ADCY3: variants seen among roughly 807,000 people sequenced by gnomAD.
The protein encoded by ADCY3 is adenylate cyclase type 3.
Under a neutral mutation model 119.4 loss-of-function variants are expected in ADCY3, and 70 were observed. That is an observed-to-expected ratio of 0.59 (90% CI 0.48 to 0.72). The LOEUF (loss-of-function observed/expected upper bound fraction) is 0.72, where lower values mean the gene tolerates loss of function less well. Among genes scored for constraint, ADCY3 ranks in the 30% least tolerant of loss-of-function variants. The pLI, the probability that ADCY3 is intolerant of heterozygous loss-of-function variation, is 0.00. For synonymous variants in ADCY3, 672 were observed against 621.4 expected (o/e 1.08, Z -1.21); for missense variants, 1,238 against 1,541.6 (o/e 0.80, Z 3.30).
intron 3 of ADCY3, among the ~76,000 whole-genome samples, chr2:24,847,692 C>G (rs1163478180): frequency 6.6e-6 from 1 of 152,224 alleles, no homozygotes; most frequent in African/African-American, 2.4e-5. Flanking sequence ...GTCTCGGAAC[C>G]TAACTAACCA....
chr2:24,912,340 A>C (rs893483780), intron 2 of ADCY3, among the ~76,000 whole-genome samples: 1 of 152,064 alleles, frequency 6.6e-6, no homozygotes, highest in Non-Finnish European at 1.5e-5. Context: ...AAAAAAAGAA[A>C]AAACAAAAAG....
intron 2 of ADCY3, among the ~76,000 whole-genome samples, chr2:24,883,326 C>T (rs760326502): frequency 1.3e-5 from 2 of 150,664 alleles, no homozygotes; most frequent in African/African-American, 4.9e-5. Context: ...CCAGCCTGGG[C>T]GACACAGAGA....
chr2:24,820,745 C>T lies in ADCY3; in HGVS notation c.3231G>A (p.Thr1077=), dbSNP rs761523411. The change falls in exon 21 of 22, where the codon ACG becomes ACA. Residue 1077 remains threonine, a synonymous_variant. Transcript: ENST00000679454. ...TVNVASRMES[T]GVMGNIQVVE... ...ATACCTGAATGTTGCCCATGACCCC[C>T]GTGGACTCCATCCTGCTGGCTACAT... is the stretch of plus-strand genomic sequence containing the variant. 28 of 1,613,976 alleles carry T rather than the reference C, an allele frequency of 1.7e-5. No homozygotes were observed. The highest frequency in any genetic ancestry group is 1.6e-4 in the Middle Eastern group (1 of 6,084).
rs144282882 is a variant in ADCY3 at position 24,822,886 on chromosome 2, A to G, written c.2884-256T>C. ...GGGGGCTCCGCGCGTGTGTAAAAGC[A>G]TTCTCCCTGGTATACAGGTCACCCA... On this transcript the variant is annotated intron_variant, in intron 18 of 21. Coordinates refer to ENST00000679454, the MANE Select transcript of ADCY3 (RefSeq NM_004036.5). Among the ~76,000 whole-genome samples the G allele has an allele frequency of 3.0e-3, 453 of 152,316 alleles. 2 individuals are homozygous for G. The highest frequency in any genetic ancestry group is 5.1e-3 in the Non-Finnish European group (344 of 68,026).
chr2:24,834,345 G>A lies in ADCY3; in HGVS notation c.1967+140C>T, dbSNP rs1669998446. Reference sequence around the variant, plus strand: ...CGTCTAGCACTCCTGGGGCCTGTGGGGGCCGTCCCAGTGGGGGTCAGGGAG... The same window carrying A: ...CGTCTAGCACTCCTGGGGCCTGTGGAGGCCGTCCCAGTGGGGGTCAGGGAG... On this transcript the variant is annotated intron_variant, in intron 11 of 21. Transcript: ENST00000679454. This position sits in a 1 kb window ranked among gnomAD's most constrained non-coding sequence, Gnocchi z 4.2. The A allele has an allele frequency of 9.4e-7, 1 of 1,061,204 alleles. No homozygotes were observed. The allele number at this position is 1,061,204 out of a possible 1,614,324, so 65.7% of individuals were successfully genotyped here.
At chr2:24,857,504 T>C (rs1673148243) in intron 3 of ADCY3, among the ~76,000 whole-genome samples, 1 of 152,272 alleles carries the variant, frequency 6.6e-6, no homozygotes, top group South Asian at 2.1e-4. Context: ...ACTGAGCACA[T>C]GAAATGTGGC....
chr2:24,877,595 G>C (rs1468038372), intron 2 of ADCY3, among the ~76,000 whole-genome samples: 2 of 152,232 alleles, frequency 1.3e-5, no homozygotes, highest in Non-Finnish European at 2.9e-5. Context: ...GGGTGATGCT[G>C]AGGATGGCTT....
chr2:24,907,051 A>C (rs1193361814), intron 2 of ADCY3, among the ~76,000 whole-genome samples: 1 of 152,090 alleles, frequency 6.6e-6, no homozygotes, highest in South Asian at 2.1e-4. Context: ...GAATCACTTA[A>C]ACCCAGGAGG....
intron 2 of ADCY3, among the ~76,000 whole-genome samples, chr2:24,890,991 C>T (rs1677583544): frequency 6.6e-6 from 1 of 152,106 alleles, no homozygotes; most frequent in African/African-American, 2.4e-5. Flanking sequence ...CATGCCTCAG[C>T]CTCCCAAGTA....
intron 2 of ADCY3, among the ~76,000 whole-genome samples, chr2:24,915,598 T>G (rs960992172): frequency 5.3e-5 from 8 of 152,312 alleles, no homozygotes; most frequent in Admixed American, 4.6e-4. Context: ...TGGAGTGCAG[T>G]GGTGCGATCT....
Position 24,899,503 on chromosome 2 carries a change from T to C in ADCY3, c.675+18810A>G, listed in dbSNP as rs150418259. ...CAGTAGGCCCTTGAAAGATGCCTTC[T>C]TGCTGCTGCAGATGGAAGCAAGCAG... On this transcript the variant is annotated intron_variant, in intron 2 of 21. Transcript: ENST00000679454. This position sits in a 1 kb window ranked among gnomAD's most constrained non-coding sequence, Gnocchi z 4.5. 1.6e-3 allele frequency among the ~76,000 whole-genome samples: 248 copies of C among 152,320 alleles called. 6 individuals carry two copies. The highest frequency in any genetic ancestry group is 3.9e-4 in the East Asian group (2 of 5,192).
At chr2:24,873,333 A>G (rs1572952545) in intron 2 of ADCY3, among the ~76,000 whole-genome samples, 2 of 152,024 alleles carry the variant, frequency 1.3e-5, no homozygotes, top group African/African-American at 4.8e-5. Context: ...CTCTCAGCTA[A>G]CCCCACCTGC....
chr2:24,915,850 C>T (rs1200036698), intron 2 of ADCY3, among the ~76,000 whole-genome samples: 2 of 152,136 alleles, frequency 1.3e-5, no homozygotes, highest in Non-Finnish European at 2.9e-5. Context: ...CCCATTTCCA[C>T]CATCTTCAGA....
At chr2:24,867,530 G>A (rs1674447175) in intron 3 of ADCY3, among the ~76,000 whole-genome samples, 1 of 152,176 alleles carries the variant, frequency 6.6e-6, no homozygotes, top group African/African-American at 2.4e-5. Context: ...CTCTAGAACT[G>A]TAAGTAGTAA....
chr2:24,851,992 T>C (rs183686947), intron 3 of ADCY3, among the ~76,000 whole-genome samples: 9 of 152,278 alleles, frequency 5.9e-5, no homozygotes, highest in Admixed American at 1.3e-4. Context: ...AAAGCCGTAT[T>C]CCTTGGCAAT....
At chr2:24,891,402 C>A (rs1227670765) in intron 2 of ADCY3, among the ~76,000 whole-genome samples, 1 of 152,138 alleles carries the variant, frequency 6.6e-6, no homozygotes, top group African/African-American at 2.4e-5. Flanking sequence ...ATCCATGCTA[C>A]CCACCTGTGA....
Position 24,842,769 on chromosome 2 carries a change from G to A in ADCY3, c.826-385C>T, listed in dbSNP as rs1021961563. 1.3e-5 allele frequency among the ~76,000 whole-genome samples: 2 copies of A among 152,226 alleles called. No individual in the cohort carries two copies. The highest frequency in any genetic ancestry group is 4.8e-5 in the African/African-American group (2 of 41,458). ...CTCAGCCACCCGCCACGGCTGCACA[G>A]AGCCATCGCTCACAAAATTCTGCTT... On this transcript the variant is annotated intron_variant, in intron 3 of 21. Transcript: ENST00000679454. This position sits in a 1 kb window ranked among gnomAD's most constrained non-coding sequence, Gnocchi z 4.9.
At chr2:24,907,815 C>T (rs10186242) in intron 2 of ADCY3, among the ~76,000 whole-genome samples, 78,851 of 149,024 alleles carry the variant, frequency 0.53, 22,645 homozygotes, top group African/African-American at 0.79. Flanking sequence ...GCCAACATGG[C>T]GAAACCCCAT....
chr2:24,871,284 A>G (rs1411026532), intron 3 of ADCY3, among the ~76,000 whole-genome samples: 2 of 152,212 alleles, frequency 1.3e-5, no homozygotes, highest in East Asian at 3.8e-4. Context: ...GATTCTTTAA[A>G]TATACACAGG....
Sources: gnomAD v4.1 joint callset for allele counts (sites outside exome capture counted in the v4.1 genomes callset) on GRCh38, gnomAD v4.1.1 for gene constraint, Gnocchi (gnomAD v3.1) non-coding constraint, MANE v1.5 for transcripts, NCBI Gene and HGNC (gene_info 2026-07-23, HGNC 2026-07-21) for gene names.